PLS1: variants seen among roughly 807,000 people sequenced by gnomAD.
The protein encoded by PLS1 is plastin-1.
In PLS1, 32 loss-of-function variants were observed where a neutral mutation model predicts 73.7. The observed-to-expected ratio is 0.43, with a 90% confidence interval of 0.33 to 0.58. The LOEUF (loss-of-function observed/expected upper bound fraction) is 0.58, where lower values mean the gene tolerates loss of function less well. Ranked by LOEUF, PLS1 falls within the 20% of genes least tolerant of loss-of-function variation. The pLI is 0.04. For missense variants in PLS1, 633 were observed against 740.5 expected, an observed-to-expected ratio of 0.85 and a Z score of 1.68; for synonymous variants, 217 against 261.3, an observed-to-expected ratio of 0.83 and a Z score of 1.63.
intron 1 of PLS1, among the ~76,000 whole-genome samples, chr3:142,601,471 A>T (rs1400426263): frequency 6.6e-6 from 1 of 152,088 alleles, no homozygotes; most frequent in Non-Finnish European, 1.5e-5. Context: ...TACAAGTAAT[A>T]TATCATTTCA....
intron 6 of PLS1, 124 bp downstream of exon 6, chr3:142,678,237 CTTT>C (rs376338369): frequency 5.7e-6 from 2 of 353,690 alleles, no homozygotes; most frequent in Non-Finnish European, 1.0e-5. Context: ...CCTATAAAAA[CTTT>C]TTTTTTTGGA....
chr3:142,640,647 A>C (rs1374809591), intron 1 of PLS1, among the ~76,000 whole-genome samples: 1 of 152,202 alleles, frequency 6.6e-6, no homozygotes, highest in Admixed American at 6.5e-5. Flanking sequence ...ATAGAGGGTT[A>C]ATATTTAAAA....
intron 12 of PLS1, among the ~76,000 whole-genome samples, chr3:142,703,642 G>A (rs973820965): frequency 6.6e-6 from 1 of 151,968 alleles, no homozygotes; most frequent in African/African-American, 2.4e-5. Flanking sequence ...AAAACTTTCC[G>A]GCCAGTTGTT....
chr3:142,684,080 C>CA lies in PLS1; in HGVS notation c.657dup (p.Glu220ArgfsTer22). The CA allele has an allele frequency of 6.2e-7, 1 of 1,613,794 alleles. No homozygotes were observed. Among genetic ancestry groups the CA allele is most frequent in the Non-Finnish European group, 8.5e-7 (1 of 1,179,832 alleles). Reference sequence around the variant, plus strand: ...TGGTCAACATTGGTGCATCAGATCTCAAAGAAGGAAAACCTCACTTGGTCT... The same window carrying CA: ...TGGTCAACATTGGTGCATCAGATCTCAAAAGAAGGAAAACCTCACTTGGTCT... On this transcript the variant is annotated frameshift_variant, in exon 7 of 16. Transcript: ENST00000457734. LOFTEE classifies it high-confidence loss of function.
At chr3:142,677,402 T>G (rs2037745818) in intron 5 of PLS1, among the ~76,000 whole-genome samples, 1 of 152,088 alleles carries the variant, frequency 6.6e-6, no homozygotes, top group Admixed American at 6.6e-5. Context: ...TCTCAGCACT[T>G]TGAGAGGCTG....
At chr3:142,607,080 T>C (rs1384475257) in intron 1 of PLS1, among the ~76,000 whole-genome samples, 2 of 152,188 alleles carry the variant, frequency 1.3e-5, no homozygotes, top group Admixed American at 1.3e-4. Flanking sequence ...TTTGTCCACA[T>C]CCTCACCAGC....
intron 14 of PLS1, among the ~76,000 whole-genome samples, chr3:142,709,549 G>T (rs979737027): frequency 6.6e-6 from 1 of 152,200 alleles, no homozygotes; most frequent in Admixed American, 6.5e-5. Flanking sequence ...GGGCACAGTG[G>T]CTCAGGCCTG....
intron 4 of PLS1, among the ~76,000 whole-genome samples, chr3:142,675,187 G>A (rs1422501709): frequency 6.6e-6 from 1 of 151,978 alleles, no homozygotes; most frequent in Non-Finnish European, 1.5e-5. Flanking sequence ...CATGGTATTT[G>A]TTTCTTGTAT....
intron 1 of PLS1, among the ~76,000 whole-genome samples, chr3:142,647,650 A>C (rs954728373): frequency 2.0e-5 from 3 of 151,786 alleles, no homozygotes; most frequent in Admixed American, 6.6e-5. Context: ...TTACAGGTGC[A>C]CACCACCATA....
At chr3:142,616,961 T>C (rs1236795816) in intron 1 of PLS1, among the ~76,000 whole-genome samples, 1 of 152,138 alleles carries the variant, frequency 6.6e-6, no homozygotes, top group African/African-American at 2.4e-5. Flanking sequence ...TCAAATTGCT[T>C]TGTAACCTTG....
At chr3:142,642,343 T>C (rs556692747) in intron 1 of PLS1, among the ~76,000 whole-genome samples, 59 of 152,306 alleles carry the variant, frequency 3.9e-4, no homozygotes, top group African/African-American at 1.0e-3. Flanking sequence ...TTCTCTATTT[T>C]TTAGAAGTTT....
At chr3:142,647,784 T>C (rs4683690) in intron 1 of PLS1, among the ~76,000 whole-genome samples, 94,763 of 152,086 alleles carry the variant, frequency 0.62, 29,980 homozygotes, top group African/African-American at 0.66. Context: ...TTGGTACCTA[T>C]TCTAGAAAGC....
In PLS1 at chr3:142,600,485, G is replaced by A. The variant is rs191817581; in HGVS notation, c.-37+3976G>A. 1.6e-4 allele frequency among the ~76,000 whole-genome samples: 25 copies of A among 152,244 alleles called. No individual in the cohort carries two copies. The East Asian group carries it at 4.6e-3, about 28-fold the overall frequency. On this transcript the variant is annotated intron_variant, in intron 1 of 15. Coordinates refer to ENST00000457734, the MANE Select transcript of PLS1 (RefSeq NM_001145319.2). ...GTGTTTATGACCCAAGAACATGGGG[G>A]TGAGGTAAGGCTGAGAGAGAGACAA...
At position 142,699,698 on chromosome 3, in the gene PLS1, TAC is replaced by T. The variant is rs1297397702; in HGVS notation, c.1371+1633_1371+1634del. On this transcript the variant is annotated intron_variant, in intron 12 of 15. Transcript: ENST00000457734. ...TAATTTGTTCAAAATACATAACACA[TAC>T]AGAGATGTATTCAAAAGGGACTTTT... is the stretch of plus-strand genomic sequence containing the variant. 2.0e-5 allele frequency among the ~76,000 whole-genome samples: 3 copies of T among 152,174 alleles called. No homozygotes were observed. In the East Asian group the frequency reaches 5.8e-4, roughly 29 times the overall value.
chr3:142,674,903 T>C (rs1401388836), intron 4 of PLS1, among the ~76,000 whole-genome samples: 2 of 152,082 alleles, frequency 1.3e-5, no homozygotes, highest in Non-Finnish European at 2.9e-5. Context: ...CTAATTTTTG[T>C]ATTTTTTAGT....
At chr3:142,704,321 C>A in intron 13 of PLS1, 142 bp from the exon 14 acceptor site, 1 of 673,596 alleles carries the variant, frequency 1.5e-6, no homozygotes, top group South Asian at 2.4e-5. Flanking sequence ...TGGAATGTAA[C>A]TGGGTGCAAA....
chr3:142,616,274 A>G (rs1171178678), intron 1 of PLS1, among the ~76,000 whole-genome samples: 1 of 152,244 alleles, frequency 6.6e-6, no homozygotes, highest in Non-Finnish European at 1.5e-5. Flanking sequence ...CTTTCTTCAG[A>G]TGCTCCTTTT....
chr3:142,613,793 C>G (rs28709617), intron 1 of PLS1, among the ~76,000 whole-genome samples: 33,202 of 152,076 alleles, frequency 0.22, 4,544 homozygotes, highest in African/African-American at 0.39. Flanking sequence ...ACTTTTATTG[C>G]ACTGTGATTG....
At chr3:142,641,731 G>T (rs1401173885) in intron 1 of PLS1, among the ~76,000 whole-genome samples, 1 of 152,030 alleles carries the variant, frequency 6.6e-6, no homozygotes, top group African/African-American at 2.4e-5. Flanking sequence ...TTGCCTTTGT[G>T]AGATCCTTAT....
Sources: gnomAD v4.1 joint callset for allele counts (sites outside exome capture counted in the v4.1 genomes callset) on GRCh38, gnomAD v4.1.1 for gene constraint, MANE v1.5 for transcripts, NCBI Gene and HGNC (gene_info 2026-07-23, HGNC 2026-07-21) for gene names.